The following SIN3B variants were observed in gnomAD, a reference collection of about 807,000 sequenced individuals.
SIN3B encodes the protein SIN3 transcription regulator family member B, also known as paired amphipathic helix protein Sin3b.
A neutral mutation model predicts 120.2 loss-of-function variants in SIN3B; 19 were observed. The observed-to-expected ratio is 0.16, with a 90% CI of 0.11 to 0.23. The LOEUF (loss-of-function observed/expected upper bound fraction) is 0.23. Ranked by LOEUF, SIN3B falls within the 10% of genes least tolerant of loss-of-function variation. The probability of loss-of-function intolerance (pLI) is 1.00; values close to 1 mark genes in which losing one functional copy is unlikely to be tolerated. For synonymous variants in SIN3B, 654 were observed against 653.2 expected (o/e 1.00, Z -0.02); for missense variants, 1,073 against 1,573.0 (o/e 0.68, Z 5.38).
intron 14 of SIN3B, among the ~76,000 whole-genome samples, chr19:16,871,974 A>T (rs149812152): frequency 1.4e-4 from 22 of 152,304 alleles, no homozygotes; most frequent in Middle Eastern, 3.4e-3. Context: ...GAGGGTGGGA[A>T]TAGTGATTTC....
In SIN3B at chr19:16,851,562, C is replaced by T. The variant is rs1423594893; in HGVS notation, c.849+28C>T. 1.9e-6 allele frequency: 3 copies of T among 1,556,914 alleles called. No individual in the cohort carries two copies. In the Admixed American group the frequency reaches 5.7e-5, roughly 29 times the overall value. ...ACCTGTGAGCCACATGCAGCCATGCCTGCACGCGGGGCCCCCAGCAAATCG... is the reference window on the plus strand; with the variant it reads ...ACCTGTGAGCCACATGCAGCCATGCTTGCACGCGGGGCCCCCAGCAAATCG... On this transcript the variant is annotated intron_variant, in intron 6 of 18. Coordinates refer to ENST00000248054, the MANE Select transcript of SIN3B (RefSeq NM_001297595.2).
At chr19:16,854,680 G>A (rs749732065) in intron 8 of SIN3B, 18 of 164,796 alleles carry the variant, frequency 1.1e-4, no homozygotes, top group Non-Finnish European at 2.1e-4. Context: ...GTGAGTCTCC[G>A]TGGTCCCAGC....
chr19:16,835,343 C>T (rs1241623043), intron 3 of SIN3B, among the ~76,000 whole-genome samples: 6 of 151,856 alleles, frequency 4.0e-5, no homozygotes, highest in African/African-American at 1.5e-4. Context: ...ATTCTCCTGC[C>T]TCAGCCTCCT....
At chr19:16,843,575 G>T (rs1971444801) in intron 4 of SIN3B, among the ~76,000 whole-genome samples, 1 of 152,188 alleles carries the variant, frequency 6.6e-6, no homozygotes, top group East Asian at 1.9e-4. Context: ...GCTTTGTGGG[G>T]TCATCACATT....
At chr19:16,851,093 G>A (rs900483192) in intron 5 of SIN3B, among the ~76,000 whole-genome samples, 3 of 150,136 alleles carry the variant, frequency 2.0e-5, no homozygotes, top group African/African-American at 7.4e-5. Context: ...ACCAGTGGCC[G>A]CCACATGAGC....
chr19:16,859,240 C>T (rs1337403000), intron 8 of SIN3B, among the ~76,000 whole-genome samples: 1 of 152,190 alleles, frequency 6.6e-6, no homozygotes, highest in Non-Finnish European at 1.5e-5. Context: ...TGCTGTTAGG[C>T]GGCAGCCAGG....
At chr19:16,861,763 CAAA>C (rs959913779) in intron 8 of SIN3B, among the ~76,000 whole-genome samples, 10 of 74,464 alleles carry the variant, frequency 1.3e-4, no homozygotes, top group Admixed American at 1.5e-4. Flanking sequence ...AACTCTGTCT[CAAA>C]AAAAAAAAAA....
chr19:16,866,247 T>A, intron 11 of SIN3B, 126 bp from the exon 12 acceptor site: 1 of 862,624 alleles, frequency 1.2e-6, no homozygotes, highest in Non-Finnish European at 1.8e-6. Context: ...CAGACTAGGC[T>A]GGGAGCTGGC....
intron 3 of SIN3B, among the ~76,000 whole-genome samples, chr19:16,834,558 C>G (rs1218224830): frequency 6.6e-6 from 1 of 152,198 alleles, no homozygotes; most frequent in Non-Finnish European, 1.5e-5. Context: ...AGAACTTTCA[C>G]TTAGTAGCTA....
intron 7 of SIN3B, among the ~76,000 whole-genome samples, 156 bp from the exon 8 acceptor site, chr19:16,853,987 C>A (rs75911496): frequency 6.6e-6 from 1 of 152,186 alleles, no homozygotes; most frequent in Non-Finnish European, 1.5e-5. Context: ...GCATGGATTG[C>A]GTGCATGGGC....
chr19:16,866,563 C>T lies in SIN3B; in HGVS notation c.1806+7C>T. The T allele has an allele frequency of 1.2e-6, 2 of 1,613,122 alleles. No homozygotes were observed. Among genetic ancestry groups the T allele is most frequent in the Non-Finnish European group, 8.5e-7 (1 of 1,179,782 alleles). ...CGAGAGCGTCTACGACGAGGTAAAG[C>T]CTTCCCTAGCCCTGCCGGCCGGTGG... On this transcript the variant is annotated splice_region_variant and intron_variant, in intron 12 of 18. Transcript: ENST00000248054.
intron 14 of SIN3B, 45 bp downstream of exon 14, chr19:16,871,443 G>A (rs370177053): frequency 3.9e-6 from 6 of 1,540,892 alleles, no homozygotes; most frequent in African/African-American, 1.4e-5. Flanking sequence ...CGGCGGAAAT[G>A]GCTCTACCAT....
In SIN3B at chr19:16,831,527, G is replaced by C; in HGVS notation, c.261G>C (p.Ser87=). Residue 87 remains serine, a synonymous_variant, in exon 3 of 19, where the codon TCG becomes TCC. Coordinates refer to ENST00000248054, the MANE Select transcript of SIN3B (RefSeq NM_001297595.2). ...IDTPGVIRRV[S]QLFHEHPDLI... is the part of the protein sequence containing the mutation. ...CTCCTGGAGTCATCAGACGTGTCTC[G>C]CAGCTCTTCCACGAGCACCCTGACC... The C allele has an allele frequency of 5.6e-6, 9 of 1,613,980 alleles. No homozygotes were observed. Among genetic ancestry groups the C allele is most frequent in the Non-Finnish European group, 7.6e-6 (9 of 1,179,936 alleles).
At chr19:16,866,614 G>T in intron 12 of SIN3B, 58 bp downstream of exon 12, 1 of 1,538,440 alleles carries the variant, frequency 6.5e-7, no homozygotes, top group Non-Finnish European at 8.9e-7. Flanking sequence ...TCTCCCGACC[G>T]CCGGGTCTGT....
chr19:16,829,971 C>CTTTTTTA, intron 2 of SIN3B, 74 bp downstream of exon 2: 1 of 950,572 alleles, frequency 1.1e-6, no homozygotes, highest in Non-Finnish European at 1.7e-6. Flanking sequence ...TGAGACCTCC[C>CTTTTTTA]CTCTCCAGCC....
chr19:16,845,553 C>A (rs10406694), intron 4 of SIN3B, among the ~76,000 whole-genome samples: 3 of 151,718 alleles, frequency 2.0e-5, no homozygotes, highest in Non-Finnish European at 2.9e-5. Flanking sequence ...GATTACAGGC[C>A]TGAGCTACCG....
At chr19:16,870,634 C>A (rs964385705) in intron 13 of SIN3B, among the ~76,000 whole-genome samples, 7 of 152,052 alleles carry the variant, frequency 4.6e-5, no homozygotes, top group Non-Finnish European at 1.0e-4. Context: ...CTCACTGCAG[C>A]CTCCGCCTCC....
chr19:16,845,958 C>T (rs952095982), intron 4 of SIN3B, among the ~76,000 whole-genome samples: 3 of 151,834 alleles, frequency 2.0e-5, no homozygotes, highest in African/African-American at 7.3e-5. Flanking sequence ...TTTTTTGTAG[C>T]GATAGGGTCT....
intron 14 of SIN3B, among the ~76,000 whole-genome samples, chr19:16,873,130 G>A (rs906148492): frequency 6.6e-5 from 10 of 152,092 alleles, no homozygotes; most frequent in East Asian, 1.9e-4. Context: ...TTCAAATCTC[G>A]GTGGGCTCAC....
Sources: allele counts gnomAD v4.1 joint callset (sites outside exome capture counted in the v4.1 genomes callset), GRCh38; gene constraint gnomAD v4.1.1; transcripts MANE v1.5; gene names NCBI Gene and HGNC (gene_info 2026-07-23, HGNC 2026-07-21).